Variants in GLYR1 observed in about 807,000 individuals in gnomAD.
The protein encoded by GLYR1 is cytokine-like nuclear factor N-PAC.
A neutral mutation model predicts 72.7 loss-of-function variants in GLYR1; 21 were observed. The observed-to-expected ratio is 0.29, with a 90% CI of 0.20 to 0.42. The LOEUF (loss-of-function observed/expected upper bound fraction) is 0.42. Ranked by LOEUF, GLYR1 falls within the 10% of genes least tolerant of loss-of-function variation. GLYR1 has a pLI of 1.00. For synonymous variants in GLYR1, 392 were observed against 270.2 expected, an observed-to-expected ratio of 1.45 and a Z score of -4.42; for missense variants, 594 against 712.1, an observed-to-expected ratio of 0.83 and a Z score of 1.89.
At chr16:4,810,222 C>T (rs530538352) in intron 15 of GLYR1, among the ~76,000 whole-genome samples, 1 of 151,602 alleles carries the variant, frequency 6.6e-6, no homozygotes, top group African/African-American at 2.4e-5. Context: ...AGAGGCCAGA[C>T]ACAGTGGCTC....
At chr16:4,824,946 A>T (rs763721451) in intron 5 of GLYR1, among the ~76,000 whole-genome samples, 13 of 152,102 alleles carry the variant, frequency 8.5e-5, no homozygotes, top group Admixed American at 2.6e-4. Context: ...ATATCTTTAG[A>T]GCCCTTCTTG....
At chr16:4,816,007 T>G (rs2083618220) in intron 10 of GLYR1, among the ~76,000 whole-genome samples, 1 of 152,160 alleles carries the variant, frequency 6.6e-6, no homozygotes, top group African/African-American at 2.4e-5. Flanking sequence ...CTGACCTCGT[T>G]ATCCCCCAGT....
chr16:4,838,743 C>T (rs1324192589), intron 3 of GLYR1, among the ~76,000 whole-genome samples: 1 of 152,002 alleles, frequency 6.6e-6, no homozygotes, highest in Admixed American at 6.6e-5. Context: ...CCCGCCACCA[C>T]GCCCAGCTAA....
intron 15 of GLYR1, among the ~76,000 whole-genome samples, chr16:4,805,597 C>A (rs561256444): frequency 6.6e-6 from 1 of 152,232 alleles, no homozygotes; most frequent in African/African-American, 2.4e-5. Flanking sequence ...CGGCTCATGC[C>A]TGTAAGGCCG....
chr16:4,847,152 A>C, intron 1 of GLYR1, 76 bp downstream of exon 1: 1 of 1,389,924 alleles, frequency 7.2e-7, no homozygotes, highest in Admixed American at 1.9e-5. Flanking sequence ...AGGCAGCTCC[A>C]GGGCCGGCAG....
intron 3 of GLYR1, chr16:4,839,758 T>C (rs2085409960): frequency 6.6e-6 from 1 of 152,224 alleles, no homozygotes; most frequent in African/African-American, 2.4e-5. Flanking sequence ...TTCTAAAAGA[T>C]TGTAATCACT....
chr16:4,846,245 C>A, intron 1 of GLYR1, 35 bp from the exon 2 acceptor site: 1 of 1,611,976 alleles, frequency 6.2e-7, no homozygotes, highest in Non-Finnish European at 8.5e-7. Context: ...ACTTGCCCTG[C>A]AAAAGCCAGT....
chr16:4,811,075 A>C, intron 15 of GLYR1, 95 bp downstream of exon 15: 2 of 1,464,402 alleles, frequency 1.4e-6, no homozygotes, highest in South Asian at 1.3e-5. Flanking sequence ...AGTGCACTCT[A>C]GCCTGGGTGA....
At chr16:4,843,774 A>G in intron 3 of GLYR1, 1 of 490,628 alleles carries the variant, frequency 2.0e-6, no homozygotes, top group Non-Finnish European at 3.0e-6. Context: ...TTCCTATAAG[A>G]ATAATAAATA....
intron 1 of GLYR1, chr16:4,847,003 C>G (rs1052717363): frequency 2.7e-5 from 15 of 554,910 alleles, no homozygotes; most frequent in Non-Finnish European, 4.1e-5. Context: ...CCCGGCCGGC[C>G]TCGGGGATCA....
chr16:4,817,906 T>C, intron 9 of GLYR1: 1 of 539,226 alleles, frequency 1.9e-6, no homozygotes, highest in Middle Eastern at 4.8e-4. Flanking sequence ...TGTCCCAGGA[T>C]GTAAACAGGC....
chr16:4,847,078 T>A (rs1195429536), intron 1 of GLYR1, 150 bp downstream of exon 1: 2 of 730,874 alleles, frequency 2.7e-6, no homozygotes, highest in East Asian at 5.7e-5. Flanking sequence ...CCCTTCCGCC[T>A]GGCGCCGCTC....
chr16:4,810,875 C>T (rs1339022407), intron 15 of GLYR1, among the ~76,000 whole-genome samples: 5 of 151,690 alleles, frequency 3.3e-5, no homozygotes, highest in East Asian at 1.9e-4. Flanking sequence ...GAGGCAGAGG[C>T]GGGTGGATCA....
intron 10 of GLYR1, among the ~76,000 whole-genome samples, chr16:4,817,068 T>C (rs2083686540): frequency 1.3e-5 from 2 of 151,016 alleles, no homozygotes; most frequent in Non-Finnish European, 1.5e-5. Context: ...CTCAGCCTCC[T>C]GAGTAACTGA....
At chr16:4,809,565 T>C (rs545289347) in intron 15 of GLYR1, among the ~76,000 whole-genome samples, 2 of 145,798 alleles carry the variant, frequency 1.4e-5, no homozygotes, top group South Asian at 2.2e-4. Flanking sequence ...TGAGCCGAGA[T>C]CGTGCCACTG....
chr16:4,836,139 G>T (rs747654406), intron 3 of GLYR1, among the ~76,000 whole-genome samples: 2 of 152,016 alleles, frequency 1.3e-5, no homozygotes, highest in African/African-American at 4.8e-5. Context: ...TTCAGTTGGC[G>T]CCTCAACAAT....
At position 4,813,818 on chromosome 16, in the gene GLYR1, AC is replaced by A. The variant is rs1339758467; in HGVS notation, c.1037del (p.Gly346ValfsTer29). The stretch of plus-strand genomic sequence containing the variant: ...TCCCAGGGCGGATCCCTTGCAGCAC[AC>A]CACTGGGGCCCAGCACCAGCTGTGG... ...AAKDLVLGPS[G>X]VLQGIRPGKC... On this transcript the variant is annotated frameshift_variant, in exon 12 of 16. Transcript: ENST00000321919. LOFTEE classifies it high-confidence loss of function. 1 of 1,612,528 alleles carries A rather than the reference AC, an allele frequency of 6.2e-7. No individual in the cohort carries two copies. The highest frequency in any genetic ancestry group is 1.7e-5 in the Admixed American group (1 of 59,820).
chr16:4,807,169 T>C (rs1055792552), intron 15 of GLYR1, among the ~76,000 whole-genome samples: 7 of 141,064 alleles, frequency 5.0e-5, no homozygotes, highest in South Asian at 2.3e-4. Flanking sequence ...TGGAGTGCAA[T>C]GGCACGATCT....
In GLYR1 at chr16:4,832,219, C is replaced by T. The variant is rs756278858; in HGVS notation, c.297G>A (p.Thr99=). 24 of 1,613,742 alleles carry T rather than the reference C, an allele frequency of 1.5e-5. No individual in the cohort carries two copies. The highest frequency in any genetic ancestry group is 6.7e-5 in the Admixed American group (4 of 59,970). Residue 99 remains threonine (T), a splice_region_variant and synonymous_variant, in exon 5 of 16, where the codon ACG becomes ACA. Transcript: ENST00000321919. ...TGTCATCAGAAGAATTGTGGGATGA[C>T]GTCTGAAAGTTTAATAATAATAATG... ...FLRRAKGKDQ[T]SSHNSSDDKN...
Sources: allele counts gnomAD v4.1 joint callset (sites outside exome capture counted in the v4.1 genomes callset), GRCh38; gene constraint gnomAD v4.1.1; transcripts MANE v1.5; gene names NCBI Gene and HGNC (gene_info 2026-07-23, HGNC 2026-07-21).